The following PDE4D variants were observed in gnomAD, a reference collection of about 807,000 sequenced individuals.
The protein encoded by PDE4D is phosphodiesterase 4D, also known as 3',5'-cyclic-AMP phosphodiesterase 4D.
A neutral mutation model predicts 87.4 loss-of-function variants in PDE4D; 24 were observed. That is an observed-to-expected ratio of 0.27 (90% CI 0.20 to 0.39). The LOEUF (loss-of-function observed/expected upper bound fraction) is 0.39. Among genes scored for constraint, PDE4D ranks in the 10% least tolerant of loss-of-function variants. The pLI is 1.00. For synonymous variants in PDE4D, 384 were observed against 383.2 expected (o/e 1.00, Z -0.02); for missense variants, 714 against 1,041.0 (o/e 0.69, Z 4.32).
chr5:60,036,357 G>A (rs1425597191), intron 2 of PDE4D, among the ~76,000 whole-genome samples: 1 of 152,110 alleles, frequency 6.6e-6, no homozygotes. Context: ...AATACGTTTT[G>A]TTTAAAATCC....
Position 60,407,780 on chromosome 5 carries a change from C to T in PDE4D, c.-90+80162G>A, listed in dbSNP as rs564671475. The stretch of plus-strand genomic sequence containing the variant: ...TTATATTACTTTTAATGGCAAAAAC[C>T]GCAATTACTTTTGCACCAACCTAAT... On this transcript the variant is annotated intron_variant, in intron 1 of 16. Coordinates refer to the PDE4D transcript ENST00000502484. 7.2e-5 allele frequency among the ~76,000 whole-genome samples: 11 copies of T among 152,048 alleles called. No individual in the cohort carries two copies. In the South Asian group the frequency reaches 1.9e-3, roughly 26 times the overall value.
At chr5:58,981,960 T>G (rs2153320337) in intron 11 of PDE4D, among the ~76,000 whole-genome samples, 1 of 152,292 alleles carries the variant, frequency 6.6e-6, no homozygotes, top group South Asian at 2.1e-4. Flanking sequence ...CAGTCAACAC[T>G]GTAATGCCCT....
chr5:60,037,082 A>G (rs890991634), intron 2 of PDE4D, among the ~76,000 whole-genome samples: 2 of 152,192 alleles, frequency 1.3e-5, no homozygotes, highest in African/African-American at 4.8e-5. Flanking sequence ...GTTAATTCAC[A>G]TAGGAATAGG....
intron 1 of PDE4D, among the ~76,000 whole-genome samples, chr5:59,707,382 T>C (rs892927417): frequency 1.3e-5 from 2 of 152,208 alleles, no homozygotes; most frequent in Non-Finnish European, 2.9e-5. Context: ...CTCTCAGTCT[T>C]GTGGAAACTC....
At chr5:59,654,220 A>T (rs1391283701) in intron 1 of PDE4D, among the ~76,000 whole-genome samples, 1 of 151,970 alleles carries the variant, frequency 6.6e-6, no homozygotes, top group African/African-American at 2.4e-5. Flanking sequence ...AATAAATAAA[A>T]TGGGAAGAGG....
At chr5:59,032,719 T>C (rs952863235) in intron 6 of PDE4D, among the ~76,000 whole-genome samples, 4 of 152,356 alleles carry the variant, frequency 2.6e-5, no homozygotes, top group African/African-American at 9.6e-5. Context: ...CTCTCTTTTT[T>C]AGTATATTCT....
At chr5:60,374,875 A>G (rs1761312668) in intron 1 of PDE4D, among the ~76,000 whole-genome samples, 1 of 152,196 alleles carries the variant, frequency 6.6e-6, no homozygotes, top group African/African-American at 2.4e-5. Context: ...GCACATATAC[A>G]TATATATGTA....
At chr5:59,728,898 A>AC (rs1201878948) in intron 1 of PDE4D, among the ~76,000 whole-genome samples, 27 of 152,152 alleles carry the variant, frequency 1.8e-4, no homozygotes, top group African/African-American at 6.5e-4. Context: ...ATGTGAAAAA[A>AC]ATATTTTATG....
chr5:59,477,345 G>C (rs1181551990), intron 1 of PDE4D, among the ~76,000 whole-genome samples: 3 of 106,016 alleles, frequency 2.8e-5, no homozygotes, highest in Non-Finnish European at 5.6e-5. Context: ...CTAAAACTTA[G>C]AGTATAATAA....
At chr5:59,419,443 C>T (rs971090854) in intron 1 of PDE4D, among the ~76,000 whole-genome samples, 1 of 152,142 alleles carries the variant, frequency 6.6e-6, no homozygotes, top group African/African-American at 2.4e-5. Flanking sequence ...TTACTGATAT[C>T]TTAATGTTGT....
intron 6 of PDE4D, among the ~76,000 whole-genome samples, chr5:59,017,008 A>AG (rs1362714700): frequency 2.6e-5 from 4 of 152,168 alleles, no homozygotes; most frequent in Non-Finnish European, 4.4e-5. Flanking sequence ...GCACTTGAGA[A>AG]GGTGGTATTT....
chr5:59,712,844 T>TA (rs1255916308), intron 1 of PDE4D, among the ~76,000 whole-genome samples: 1 of 152,128 alleles, frequency 6.6e-6, no homozygotes, highest in Non-Finnish European at 1.5e-5. Context: ...GTGGTTATCA[T>TA]ATCTCACATT....
At chr5:59,471,114 A>G (rs1472009764) in intron 1 of PDE4D, among the ~76,000 whole-genome samples, 2 of 152,138 alleles carry the variant, frequency 1.3e-5, no homozygotes, top group Non-Finnish European at 2.9e-5. Flanking sequence ...GAATGGTGGC[A>G]TGCATCTGTG....
intron 1 of PDE4D, among the ~76,000 whole-genome samples, chr5:60,217,187 T>C (rs1743950477): frequency 6.6e-6 from 1 of 152,024 alleles, no homozygotes. Context: ...TCCTCTTATA[T>C]TACATACTTA....
chr5:59,710,054 C>T (rs1194408234), intron 1 of PDE4D, among the ~76,000 whole-genome samples: 36 of 152,058 alleles, frequency 2.4e-4, no homozygotes, highest in Admixed American at 2.3e-3. Flanking sequence ...GATTCTGATT[C>T]TGGGTGAGAC....
intron 1 of PDE4D, among the ~76,000 whole-genome samples, chr5:59,518,817 A>G (rs941533990): frequency 2.7e-5 from 4 of 150,662 alleles, no homozygotes; most frequent in Non-Finnish European, 4.4e-5. Flanking sequence ...TTAAAAACTG[A>G]AATAAAATGT....
At chr5:59,649,931 T>TTTTTTTTTTTTTTTTTTTTTTTTTTC (rs1474090994) in intron 1 of PDE4D, among the ~76,000 whole-genome samples, 2 of 141,262 alleles carry the variant, frequency 1.4e-5, no homozygotes, top group Non-Finnish European at 3.0e-5. Flanking sequence ...TTTTTTTTTT[T>TTTTTTTTTTTTTTTTTTTTTTTTTTC]TAGCAATGAC....
chr5:59,369,158 G>A (rs1562045863), intron 1 of PDE4D, among the ~76,000 whole-genome samples: 1 of 152,274 alleles, frequency 6.6e-6, no homozygotes. Context: ...AAAGTTCAGA[G>A]CATTCATTGA....
In PDE4D at chr5:60,111,739, A is replaced by T. The variant is rs370445520; in HGVS notation, c.42+73818T>A. Among the ~76,000 whole-genome samples the T allele has an allele frequency of 1.1e-3, 163 of 152,106 alleles. 1 individual carries two copies. The Middle Eastern group carries it at 0.014, about 13-fold the overall frequency. On this transcript the variant is annotated intron_variant, in intron 2 of 16. Transcript: ENST00000502484. ...CAGGAATGTTACTAGGTTTTCTACAAAGACATATAATAAAGAAAAATATAC... is the reference window on the plus strand; with the variant it reads ...CAGGAATGTTACTAGGTTTTCTACATAGACATATAATAAAGAAAAATATAC...
Sources: gnomAD v4.1 joint callset for allele counts (sites outside exome capture counted in the v4.1 genomes callset) on GRCh38, gnomAD v4.1.1 for gene constraint, MANE v1.5 for transcripts, NCBI Gene and HGNC (gene_info 2026-07-23, HGNC 2026-07-21) for gene names.